HPCA: variants seen among roughly 807,000 people sequenced by gnomAD.
The protein encoded by HPCA is hippocalcin.
A neutral mutation model predicts 18.2 loss-of-function variants in HPCA; 4 were observed. That is an observed-to-expected ratio of 0.22 (90% confidence interval 0.11 to 0.50). The LOEUF is 0.50. Ranked by LOEUF, HPCA falls within the 20% of genes least tolerant of loss-of-function variation. The pLI is 0.97. For synonymous variants in HPCA, 93 were observed against 103.5 expected (o/e 0.90, Z 0.61); for missense variants, 161 against 265.8 (o/e 0.61, Z 2.74).
At position 32,894,379 on chromosome 1, in the gene HPCA, G is replaced by A. The variant is rs1641531984; in HGVS notation, c.*517G>A. 1.0e-5 allele frequency: 2 copies of A among 193,832 alleles called. No homozygotes were observed. Among genetic ancestry groups the A allele is most frequent in the Non-Finnish European group, 2.1e-5 (2 of 93,742 alleles). 12.0% of individuals were successfully genotyped at this position (193,832 alleles called of 1,614,324 possible). ...ACTAGCCCGCCAGCTGTGGGCCCCA[G>A]AAAGCCAGCCTGCCTTTTAGCACTT... On this transcript the variant is annotated 3_prime_UTR_variant, in exon 4 of 4. Coordinates refer to ENST00000373467, the MANE Select transcript of HPCA (RefSeq NM_002143.3).
intron 1 of HPCA, among the ~76,000 whole-genome samples, chr1:32,887,596 G>T (rs539818791): frequency 6.6e-6 from 1 of 152,142 alleles, no homozygotes; most frequent in African/African-American, 2.4e-5. Context: ...TGGGCTTGGT[G>T]GGGGGTCTCC....
Position 32,886,667 on chromosome 1 carries a change from G to A in HPCA, c.-22+152G>A, listed in dbSNP as rs111375722. Among the ~76,000 whole-genome samples, 7 of 152,228 alleles carry A rather than the reference G, an allele frequency of 4.6e-5. No homozygotes were observed. The highest frequency in any genetic ancestry group is 1.7e-4 in the African/African-American group (7 of 41,560). ...GCGGGGGCGCTGGGGACTGGGAAGC[G>A]CGCGGTGCTCTCCAGGGTCCTGACC... On this transcript the variant is annotated intron_variant, in intron 1 of 3. Coordinates refer to ENST00000373467, the MANE Select transcript of HPCA (RefSeq NM_002143.3). The surrounding 1 kb of genome is among the most constrained non-coding windows in gnomAD (Gnocchi z 7.0).
Position 32,893,714 on chromosome 1 carries a change from C to T in HPCA, c.485-51C>T. 2 of 1,515,160 alleles carry T rather than the reference C, an allele frequency of 1.3e-6. No homozygotes were observed. Among genetic ancestry groups the T allele is most frequent in the Non-Finnish European group, 1.8e-6 (2 of 1,105,578 alleles). 93.9% of individuals were successfully genotyped at this position (1,515,160 alleles called of 1,614,324 possible). On this transcript the variant is annotated intron_variant, in intron 3 of 3. Transcript: ENST00000373467. This position sits in a 1 kb window ranked among gnomAD's most constrained non-coding sequence, Gnocchi z 7.5. ...TGCCTCCCTTTCCCGCTCCGCCTCCCCTCGCTAGGCTGCCGCCTCCTCCCC... is the reference window on the plus strand; with the variant it reads ...TGCCTCCCTTTCCCGCTCCGCCTCCTCTCGCTAGGCTGCCGCCTCCTCCCC...
In HPCA at chr1:32,893,748, C is replaced by T; in HGVS notation, c.485-17C>T. On this transcript the variant is annotated splice_polypyrimidine_tract_variant and intron_variant, in intron 3 of 3. Coordinates refer to ENST00000373467, the MANE Select transcript of HPCA (RefSeq NM_002143.3). The surrounding 1 kb of genome is among the most constrained non-coding windows in gnomAD (Gnocchi z 7.5). Reference sequence around the variant, plus strand: ...GCTGCCGCCTCCTCCCCCATCACCGCTCCCCTCGCCCTGCAGGCAAGCTGT... The same window carrying T: ...GCTGCCGCCTCCTCCCCCATCACCGTTCCCCTCGCCCTGCAGGCAAGCTGT... 1 of 1,568,228 alleles carries T rather than the reference C, an allele frequency of 6.4e-7. No homozygotes were observed. The highest frequency in any genetic ancestry group is 1.2e-5 in the South Asian group (1 of 85,934).
chr1:32,888,829 A>G, intron 1 of HPCA, 49 bp from the exon 2 acceptor site: 1 of 1,508,520 alleles, frequency 6.6e-7, no homozygotes. Context: ...TCTAGTAGCC[A>G]GGAGGGCCTG....
At position 32,888,929 on chromosome 1, in the gene HPCA, G is replaced by A. The variant is rs766911339; in HGVS notation, c.31G>A (p.Glu11Lys). ...CAAGCAGAACAGCAAGCTGCGGCCCGAGATGTTGCAGGACCTGCGAGAGAA... is the reference window on the plus strand; with the variant it reads ...CAAGCAGAACAGCAAGCTGCGGCCCAAGATGTTGCAGGACCTGCGAGAGAA... MGKQNSKLRPEMLQDLRENTE... is the reference protein window; with the variant it reads MGKQNSKLRPKMLQDLRENTE... Residue 11 changes from glutamate to lysine, a missense_variant, in exon 2 of 4, where the codon GAG becomes AAG. Glu to Lys is a moderately conservative substitution (Grantham distance 56, BLOSUM62 1). Transcript: ENST00000373467. 11 of 1,613,548 alleles carry A rather than the reference G, an allele frequency of 6.8e-6. No homozygotes were observed. Among genetic ancestry groups the A allele is most frequent in the East Asian group, 2.2e-5 (1 of 44,888 alleles).
At position 32,893,363 on chromosome 1, in the gene HPCA, G is replaced by A. The variant is rs1641498941; in HGVS notation, c.379-161G>A. ...TCTTCTGGGAGGCCTTCCCGGACACGCCTTCCCGAAGCCCTCGGCTCCCCA... is the reference window on the plus strand; with the variant it reads ...TCTTCTGGGAGGCCTTCCCGGACACACCTTCCCGAAGCCCTCGGCTCCCCA... On this transcript the variant is annotated intron_variant, in intron 2 of 3. Transcript: ENST00000373467. This position sits in a 1 kb window ranked among gnomAD's most constrained non-coding sequence, Gnocchi z 7.5. Among the ~76,000 whole-genome samples the A allele has an allele frequency of 6.6e-6, 1 of 152,150 alleles. No individual in the cohort carries two copies. Among genetic ancestry groups the A allele is most frequent in the South Asian group, 2.1e-4 (1 of 4,832 alleles).
At position 32,893,274 on chromosome 1, in the gene HPCA, C is replaced by T. The variant is rs929472197; in HGVS notation, c.379-250C>T. Among the ~76,000 whole-genome samples, 1 of 152,292 alleles carries T rather than the reference C, an allele frequency of 6.6e-6. No homozygotes were observed. The highest frequency in any genetic ancestry group is 3.4e-3 in the Middle Eastern group (1 of 294). ...GCCCGCTCGGAGCTTCCACCTGCGG[C>T]GCCTTTGCTCCTTTCCCACCCAGCC... On this transcript the variant is annotated intron_variant, in intron 2 of 3. Coordinates refer to ENST00000373467, the MANE Select transcript of HPCA (RefSeq NM_002143.3). This position sits in a 1 kb window ranked among gnomAD's most constrained non-coding sequence, Gnocchi z 7.5.
At chr1:32,892,920 A>T (rs1035432755) in intron 2 of HPCA, among the ~76,000 whole-genome samples, 38 of 152,076 alleles carry the variant, frequency 2.5e-4, no homozygotes, top group Admixed American at 7.8e-4. Context: ...TGCCCAGCCC[A>T]GCCTAGCCAA....
chr1:32,894,573 C>T lies in HPCA; in HGVS notation c.*711C>T. ...TCCTCCCCTCTGTCCCCCCAACCGC[C>T]CCCCCTGCATGCAGCCAAATGGAGC... is the stretch of plus-strand genomic sequence containing the variant. On this transcript the variant is annotated 3_prime_UTR_variant, in exon 4 of 4. Transcript: ENST00000373467. The T allele has an allele frequency of 1.9e-6, 1 of 540,076 alleles. No individual in the cohort carries two copies. The allele number at this position is 540,076 out of a possible 1,614,324, so 33.5% of individuals were successfully genotyped here.
At chr1:32,890,967 G>A (rs1258233352) in intron 2 of HPCA, among the ~76,000 whole-genome samples, 1 of 152,258 alleles carries the variant, frequency 6.6e-6, no homozygotes, top group Non-Finnish European at 1.5e-5. Flanking sequence ...GGGCCAGGTG[G>A]CCAGAATGGT....
rs776625242 is a variant in HPCA, at chr1:32,893,733, C to T, written c.485-32C>T. ...GCCTCCCCTCGCTAGGCTGCCGCCT[C>T]CTCCCCCATCACCGCTCCCCTCGCC... On this transcript the variant is annotated intron_variant, in intron 3 of 3. Transcript: ENST00000373467. The surrounding 1 kb of genome is among the most constrained non-coding windows in gnomAD (Gnocchi z 7.5). The T allele has an allele frequency of 5.2e-6, 8 of 1,547,122 alleles. No homozygotes were observed. In the African/African-American group the frequency reaches 8.2e-5, roughly 16 times the overall value.
chr1:32,894,165 G>A lies in HPCA; in HGVS notation c.*303G>A. 2 of 388,314 alleles carry A rather than the reference G, an allele frequency of 5.2e-6. No homozygotes were observed. The highest frequency in any genetic ancestry group is 9.3e-6 in the Non-Finnish European group (2 of 214,398). 24.1% of individuals were successfully genotyped at this position (388,314 alleles called of 1,614,324 possible). A position where few individuals can be genotyped will look rare whatever the true frequency, so the allele number is the denominator to read the frequency against. On this transcript the variant is annotated 3_prime_UTR_variant, in exon 4 of 4. Transcript: ENST00000373467. The stretch of plus-strand genomic sequence containing the variant: ...GCCCGACCCCTCCCCCAAAGGGGCA[G>A]TCCCCTTCTTGCAGGTCTCAGCTTG...
chr1:32,893,511 C>T lies in HPCA; in HGVS notation c.379-13C>T. ...AGGCTCCTCTCACTCCCCGCCTCCC[C>T]TCCCGCCCCCAGGCCATTTACAAGA... On this transcript the variant is annotated splice_polypyrimidine_tract_variant and intron_variant, in intron 2 of 3. Transcript: ENST00000373467. The surrounding 1 kb of genome is among the most constrained non-coding windows in gnomAD (Gnocchi z 7.5). 1.3e-6 allele frequency: 2 copies of T among 1,594,888 alleles called. No homozygotes were observed. The highest frequency in any genetic ancestry group is 1.7e-6 in the Non-Finnish European group (2 of 1,163,130).
Position 32,893,231 on chromosome 1 carries a change from A to G in HPCA, c.379-293A>G, listed in dbSNP as rs1464001267. Among the ~76,000 whole-genome samples the G allele has an allele frequency of 2.0e-5, 3 of 151,666 alleles. No individual in the cohort carries two copies. The highest frequency in any genetic ancestry group is 2.9e-5 in the Non-Finnish European group (2 of 67,896). The stretch of plus-strand genomic sequence containing the variant: ...CTGTCGGGCCCCGGTGTCCTCCAAC[A>G]TCTCTCCTGACCCCTGCGCCCGCTC... On this transcript the variant is annotated intron_variant, in intron 2 of 3. Transcript: ENST00000373467. This position sits in a 1 kb window ranked among gnomAD's most constrained non-coding sequence, Gnocchi z 7.5.
Position 32,889,481 on chromosome 1 carries a change from C to T in HPCA, c.378+205C>T, listed in dbSNP as rs769777829. Among the ~76,000 whole-genome samples the T allele has an allele frequency of 6.6e-6, 1 of 152,206 alleles. No individual in the cohort carries two copies. Among genetic ancestry groups the T allele is most frequent in the Non-Finnish European group, 1.5e-5 (1 of 68,032 alleles). On this transcript the variant is annotated intron_variant, in intron 2 of 3. Coordinates refer to ENST00000373467, the MANE Select transcript of HPCA (RefSeq NM_002143.3). This position sits in a 1 kb window ranked among gnomAD's most constrained non-coding sequence, Gnocchi z 4.6. ...CCCTATACCCTCTACCCAGATTCAC[C>T]AATTAACATTTTCCCACAGTTGCTT...
rs1168593006 is a variant in HPCA at position 32,893,511 on chromosome 1, C to A, written c.379-13C>A. On this transcript the variant is annotated splice_polypyrimidine_tract_variant and intron_variant, in intron 2 of 3. Transcript: ENST00000373467. The surrounding 1 kb of genome is among the most constrained non-coding windows in gnomAD (Gnocchi z 7.5). ...AGGCTCCTCTCACTCCCCGCCTCCC[C>A]TCCCGCCCCCAGGCCATTTACAAGA... The A allele has an allele frequency of 2.5e-6, 4 of 1,594,884 alleles. No homozygotes were observed. The highest frequency in any genetic ancestry group is 3.4e-6 in the Non-Finnish European group (4 of 1,163,126).
Position 32,893,299 on chromosome 1 carries a change from C to G in HPCA, c.379-225C>G, listed in dbSNP as rs1338802783. ...CGCCTTTGCTCCTTTCCCACCCAGC[C>G]CTCCAAGGGAGCGCGGCAGGGCCCG... is the stretch of plus-strand genomic sequence containing the variant. On this transcript the variant is annotated intron_variant, in intron 2 of 3. Coordinates refer to ENST00000373467, the MANE Select transcript of HPCA (RefSeq NM_002143.3). The surrounding 1 kb of genome is among the most constrained non-coding windows in gnomAD (Gnocchi z 7.5). 6.6e-6 allele frequency among the ~76,000 whole-genome samples: 1 copy of G among 152,208 alleles called. No homozygotes were observed. Among genetic ancestry groups the G allele is most frequent in the Non-Finnish European group, 1.5e-5 (1 of 68,038 alleles).
Position 32,893,834 on chromosome 1 carries a change from G to A in HPCA, c.554G>A (p.Cys185Tyr). 1 of 1,576,704 alleles carries A rather than the reference G, an allele frequency of 6.3e-7. No homozygotes were observed. Among genetic ancestry groups the A allele is most frequent in the Non-Finnish European group, 8.6e-7 (1 of 1,162,064 alleles). ...CCGTCCATCGTGCGTCTGCTGCAGTGCGACCCCAGCAGCGCCTCCCAGTTC... is the reference window on the plus strand; with the variant it reads ...CCGTCCATCGTGCGTCTGCTGCAGTACGACCCCAGCAGCGCCTCCCAGTTC... ...SDPSIVRLLQCDPSSASQF is the reference protein window; with the variant it reads ...SDPSIVRLLQYDPSSASQF Residue 185 changes from cysteine to tyrosine, a missense_variant, in exon 4 of 4, where the codon TGC becomes TAC. Cys to Tyr is a radical substitution (Grantham distance 194, BLOSUM62 -2). Transcript: ENST00000373467. The surrounding 1 kb of genome is among the most constrained non-coding windows in gnomAD (Gnocchi z 7.5).
Sources: allele counts gnomAD v4.1 joint callset (sites outside exome capture counted in the v4.1 genomes callset), GRCh38; gene constraint gnomAD v4.1.1; non-coding constraint Gnocchi (gnomAD v3.1); transcripts MANE v1.5; gene names NCBI Gene and HGNC (gene_info 2026-07-23, HGNC 2026-07-21).